PTPRD: variants seen among roughly 807,000 people sequenced by gnomAD.
The protein encoded by PTPRD is protein tyrosine phosphatase receptor type D.
A neutral mutation model predicts 214.5 loss-of-function variants in PTPRD; 34 were observed. The observed-to-expected ratio is 0.16, with a 90% CI of 0.12 to 0.21. The LOEUF (loss-of-function observed/expected upper bound fraction) is 0.21. PTPRD is among the 10% of genes least tolerant of loss of function. PTPRD has a pLI of 1.00. For missense variants in PTPRD, 2,545 were observed against 2,398.7 expected, an observed-to-expected ratio of 1.06 and a Z score of -1.27; for synonymous variants, 1,128 against 845.7, an observed-to-expected ratio of 1.33 and a Z score of -5.79.
intron 14 of PTPRD, among the ~76,000 whole-genome samples, chr9:8,616,589 A>G (rs561096256): frequency 1.3e-4 from 20 of 152,160 alleles, no homozygotes; most frequent in Non-Finnish European, 2.4e-4. Flanking sequence ...TTTAATGATG[A>G]CAAATGTGAG....
chr9:9,926,234 G>T (rs2084263376), intron 5 of PTPRD, among the ~76,000 whole-genome samples: 1 of 152,068 alleles, frequency 6.6e-6, no homozygotes. Flanking sequence ...ATGAGCAAAA[G>T]AAACATTAAT....
Position 9,539,198 on chromosome 9 carries a change from G to A in PTPRD, c.-237+35534C>T, listed in dbSNP as rs112457493. Among the ~76,000 whole-genome samples, 1,428 of 151,914 alleles carry A rather than the reference G, an allele frequency of 9.4e-3. 17 individuals are homozygous for A. Among genetic ancestry groups the A allele is most frequent in the African/African-American group, 0.032 (1,345 of 41,498 alleles). ...TATTTTTTGAGACCTAAATGAAAAGGAGTCAATTATAAGATATGCAGATGG... is the reference window on the plus strand; with the variant it reads ...TATTTTTTGAGACCTAAATGAAAAGAAGTCAATTATAAGATATGCAGATGG... On this transcript the variant is annotated intron_variant, in intron 8 of 45. Transcript: ENST00000381196.
chr9:9,360,727 T>G (rs1035011583), intron 9 of PTPRD, among the ~76,000 whole-genome samples: 8 of 151,192 alleles, frequency 5.3e-5, no homozygotes, highest in Non-Finnish European at 1.0e-4. Flanking sequence ...ATATTTTCTA[T>G]AAATAATGGT....
At chr9:10,450,885 A>T (rs370345393) in intron 2 of PTPRD, among the ~76,000 whole-genome samples, 1 of 151,966 alleles carries the variant, frequency 6.6e-6, no homozygotes, top group African/African-American at 2.4e-5. Flanking sequence ...CAGGTTATTC[A>T]TATAGAATTT....
chr9:10,131,524 A>T (rs1464978532), intron 3 of PTPRD, among the ~76,000 whole-genome samples: 1 of 152,204 alleles, frequency 6.6e-6, no homozygotes, highest in Non-Finnish European at 1.5e-5. Context: ...TAGTAACAAA[A>T]TAACACATGT....
intron 7 of PTPRD, among the ~76,000 whole-genome samples, chr9:9,661,934 G>C (rs546070276): frequency 6.6e-6 from 1 of 151,772 alleles, no homozygotes; most frequent in African/African-American, 2.4e-5. Context: ...TTAATCATCT[G>C]AACTCTGAAG....
intron 14 of PTPRD, among the ~76,000 whole-genome samples, chr9:8,620,283 C>A (rs114124454): frequency 5.3e-5 from 8 of 151,944 alleles, no homozygotes; most frequent in Non-Finnish European, 7.4e-5. Flanking sequence ...TAATATTTAT[C>A]TTACAGACAA....
chr9:9,348,041 T>C (rs1182830250), intron 9 of PTPRD, among the ~76,000 whole-genome samples: 1 of 152,162 alleles, frequency 6.6e-6, no homozygotes, highest in Non-Finnish European at 1.5e-5. Flanking sequence ...TCATCTACTT[T>C]GTTTAAAAAA....
intron 2 of PTPRD, among the ~76,000 whole-genome samples, chr9:10,463,384 A>G (rs1351465340): frequency 2.0e-5 from 3 of 152,156 alleles, no homozygotes; most frequent in Non-Finnish European, 4.4e-5. Flanking sequence ...AGAGAGAGAC[A>G]GAGGATGAAA....
intron 10 of PTPRD, among the ~76,000 whole-genome samples, chr9:9,115,003 G>C (rs1458870007): frequency 6.6e-6 from 1 of 152,158 alleles, no homozygotes; most frequent in Non-Finnish European, 1.5e-5. Context: ...GCAGATTTTA[G>C]AGAGGACCGT....
At chr9:10,084,631 A>C (rs1039846213) in intron 3 of PTPRD, among the ~76,000 whole-genome samples, 1 of 151,664 alleles carries the variant, frequency 6.6e-6, no homozygotes, top group African/African-American at 2.4e-5. Context: ...TGCATTTGGG[A>C]GTCAACAAAC....
intron 11 of PTPRD, among the ~76,000 whole-genome samples, chr9:8,927,053 G>C (rs938600242): frequency 1.3e-5 from 2 of 152,014 alleles, no homozygotes; most frequent in Non-Finnish European, 2.9e-5. Flanking sequence ...TCCAGACATT[G>C]AATGATTTGT....
chr9:10,248,457 C>T (rs1554949424), intron 3 of PTPRD, among the ~76,000 whole-genome samples: 1 of 138,934 alleles, frequency 7.2e-6, no homozygotes, highest in Non-Finnish European at 1.5e-5. Flanking sequence ...GTTACTTTTC[C>T]AACATGGATC....
At chr9:9,481,356 T>C (rs1338554916) in intron 8 of PTPRD, among the ~76,000 whole-genome samples, 1 of 152,104 alleles carries the variant, frequency 6.6e-6, no homozygotes, top group African/African-American at 2.4e-5. Flanking sequence ...CTTAGTTTTC[T>C]CAACATGTAA....
chr9:9,399,546 G>A (rs984216451), intron 8 of PTPRD, among the ~76,000 whole-genome samples: 1 of 152,022 alleles, frequency 6.6e-6, no homozygotes, highest in Non-Finnish European at 1.5e-5. Flanking sequence ...GTTCTGATAT[G>A]GCTTGGCTGT....
intron 9 of PTPRD, among the ~76,000 whole-genome samples, chr9:9,222,817 A>G (rs1030877627): frequency 1.3e-5 from 2 of 152,032 alleles, no homozygotes; most frequent in African/African-American, 4.8e-5. Flanking sequence ...GAAAATTTGA[A>G]GGAATATATT....
intron 7 of PTPRD, among the ~76,000 whole-genome samples, chr9:9,660,735 T>C (rs1234551843): frequency 2.6e-5 from 4 of 151,992 alleles, no homozygotes; most frequent in Admixed American, 6.6e-5. Context: ...ACAAAGTGAT[T>C]TCTAGTGATT....
At position 8,944,608 on chromosome 9, in the gene PTPRD, T is replaced by C. The variant is rs542514681; in HGVS notation, c.-104+74089A>G. 1.4e-3 allele frequency among the ~76,000 whole-genome samples: 209 copies of C among 152,172 alleles called. 1 individual carries two copies. Among genetic ancestry groups the C allele is most frequent in the South Asian group, 3.1e-3 (15 of 4,828 alleles). On this transcript the variant is annotated intron_variant, in intron 11 of 45. Coordinates refer to ENST00000381196, the MANE Select transcript of PTPRD (RefSeq NM_002839.4). ...GAGATCCTGTCATTTGCAACAAGGA[T>C]GGAACTAAACAACATTATATTATGT...
At chr9:9,660,587 G>A (rs1307017395) in intron 7 of PTPRD, among the ~76,000 whole-genome samples, 1 of 151,994 alleles carries the variant, frequency 6.6e-6, no homozygotes, top group Non-Finnish European at 1.5e-5. Flanking sequence ...CAGAAACTGA[G>A]AGTTGCCCTA....
Sources: allele counts gnomAD v4.1 joint callset (sites outside exome capture counted in the v4.1 genomes callset), GRCh38; gene constraint gnomAD v4.1.1; transcripts MANE v1.5; gene names NCBI Gene and HGNC (gene_info 2026-07-23, HGNC 2026-07-21).